Variants in AUTS2 observed in about 807,000 individuals in gnomAD.
AUTS2 encodes activator of transcription and developmental regulator AUTS2.
A neutral mutation model predicts 112.4 loss-of-function variants in AUTS2; 17 were observed. That is an observed-to-expected ratio of 0.15 (90% CI 0.10 to 0.23). AUTS2 has a LOEUF of 0.23. Among genes scored for constraint, AUTS2 ranks in the 10% least tolerant of loss-of-function variants. The pLI, the probability that AUTS2 is intolerant of heterozygous loss-of-function variation, is 1.00. For synonymous variants in AUTS2, 751 were observed against 702.7 expected, an observed-to-expected ratio of 1.07 and a Z score of -1.09; for missense variants, 1,510 against 1,701.6, an observed-to-expected ratio of 0.89 and a Z score of 1.98.
At chr7:69,974,467 A>T (rs1487584123) in intron 2 of AUTS2, among the ~76,000 whole-genome samples, 1 of 151,912 alleles carries the variant, frequency 6.6e-6, no homozygotes, top group East Asian at 1.9e-4. Context: ...CAAGCTAGAA[A>T]ACCAGGAAAG....
At chr7:70,689,559 G>A (rs1157947622) in intron 5 of AUTS2, among the ~76,000 whole-genome samples, 15 of 151,992 alleles carry the variant, frequency 9.9e-5, no homozygotes, top group Non-Finnish European at 7.4e-5. Context: ...GGCAGATCAC[G>A]AGGTCAGGAG....
At chr7:69,866,900 G>A (rs1027864539) in intron 1 of AUTS2, among the ~76,000 whole-genome samples, 6 of 152,198 alleles carry the variant, frequency 3.9e-5, no homozygotes, top group Non-Finnish European at 7.3e-5. Flanking sequence ...TGGGTTAGCC[G>A]GCTGGGGTTC....
At chr7:70,466,785 A>G (rs1019711081) in intron 5 of AUTS2, among the ~76,000 whole-genome samples, 6 of 152,192 alleles carry the variant, frequency 3.9e-5, no homozygotes, top group East Asian at 1.9e-4. Flanking sequence ...GAAAAGATCA[A>G]TTGGGAGTCA....
At chr7:69,878,574 G>T (rs1383581866) in intron 1 of AUTS2, among the ~76,000 whole-genome samples, 1 of 152,172 alleles carries the variant, frequency 6.6e-6, no homozygotes, top group Non-Finnish European at 1.5e-5. Flanking sequence ...AAAACGGATG[G>T]TTCTTGAGGC....
chr7:70,639,483 G>A (rs1805695214), intron 5 of AUTS2, among the ~76,000 whole-genome samples: 1 of 151,486 alleles, frequency 6.6e-6, no homozygotes, highest in African/African-American at 2.4e-5. Context: ...CAGGTGTGTG[G>A]TGCGTGCCTG....
rs566804653 is a variant in AUTS2 at position 70,552,354 on chromosome 7, C to T, written c.690+116573C>T. Among the ~76,000 whole-genome samples the T allele has an allele frequency of 2.0e-5, 3 of 152,254 alleles. No individual in the cohort carries two copies. In the South Asian group the frequency reaches 6.2e-4, roughly 32 times the overall value. On this transcript the variant is annotated intron_variant, in intron 5 of 18. Transcript: ENST00000342771. The stretch of plus-strand genomic sequence containing the variant: ...GTTTTCTACAATAAAATGCAAAATA[C>T]TTCTTCCTGTTAGCGGATTATACCA...
At chr7:70,552,093 T>C (rs931264719) in intron 5 of AUTS2, among the ~76,000 whole-genome samples, 2 of 152,082 alleles carry the variant, frequency 1.3e-5, no homozygotes, top group African/African-American at 4.8e-5. Flanking sequence ...AGTATGTGTA[T>C]CTTTGTGTGT....
chr7:70,086,941 T>G (rs1803638010), intron 2 of AUTS2, among the ~76,000 whole-genome samples: 1 of 151,904 alleles, frequency 6.6e-6, no homozygotes, highest in South Asian at 2.1e-4. Flanking sequence ...TTTTTTTTTT[T>G]TAATCTGGAT....
chr7:70,150,127 A>C (rs1463937639), intron 4 of AUTS2, among the ~76,000 whole-genome samples: 1 of 152,138 alleles, frequency 6.6e-6, no homozygotes, highest in Non-Finnish European at 1.5e-5. Flanking sequence ...TTTCCGAGGT[A>C]ATGTATGCAA....
chr7:69,627,936 C>T (rs1794036150), intron 1 of AUTS2, among the ~76,000 whole-genome samples: 1 of 152,060 alleles, frequency 6.6e-6, no homozygotes, highest in Non-Finnish European at 1.5e-5. Flanking sequence ...GTGGTTATGT[C>T]ATTTTTGTGG....
chr7:70,172,176 A>G (rs1298801212), intron 4 of AUTS2, among the ~76,000 whole-genome samples: 1 of 152,104 alleles, frequency 6.6e-6, no homozygotes, highest in Non-Finnish European at 1.5e-5. Context: ...ATGGCCATGG[A>G]GTGGTGGATC....
chr7:70,317,054 C>T (rs1585010816), intron 4 of AUTS2: 1 of 152,170 alleles, frequency 6.6e-6, no homozygotes, highest in Admixed American at 6.5e-5. Flanking sequence ...CAGGTAACAC[C>T]ACTGGGGAAC....
intron 6 of AUTS2, among the ~76,000 whole-genome samples, chr7:70,730,289 C>G (rs974883060): frequency 1.3e-5 from 2 of 152,012 alleles, no homozygotes; most frequent in African/African-American, 2.4e-5. Context: ...GAAATTCACT[C>G]TTTTAAGGGG....
chr7:70,032,243 T>G (rs189674780), intron 2 of AUTS2, among the ~76,000 whole-genome samples: 400 of 152,256 alleles, frequency 2.6e-3, no homozygotes, highest in Non-Finnish European at 4.5e-3. Context: ...GCATATAAAA[T>G]TCTAACTCCG....
intron 4 of AUTS2, among the ~76,000 whole-genome samples, chr7:70,269,372 A>G (rs569760128): frequency 2.6e-5 from 4 of 151,560 alleles, no homozygotes; most frequent in South Asian, 2.1e-4. Flanking sequence ...AACAATTCCT[A>G]TTACCTTTTC....
intron 2 of AUTS2, among the ~76,000 whole-genome samples, chr7:70,098,937 G>A (rs1804343359): frequency 6.6e-6 from 1 of 152,020 alleles, no homozygotes; most frequent in Admixed American, 6.6e-5. Flanking sequence ...CCCAACCTCA[G>A]GTGATCCGCC....
chr7:70,767,755 G>A (rs115324465), intron 9 of AUTS2, among the ~76,000 whole-genome samples: 104 of 152,258 alleles, frequency 6.8e-4, no homozygotes, highest in African/African-American at 2.2e-3. Context: ...GGTTTGGTTC[G>A]TGCCAATCTG....
intron 1 of AUTS2, among the ~76,000 whole-genome samples, chr7:69,802,210 T>G (rs914968018): frequency 1.3e-5 from 2 of 152,166 alleles, no homozygotes; most frequent in Non-Finnish European, 2.9e-5. Flanking sequence ...GGGGAGAGCG[T>G]ATGTTTCTTC....
At chr7:70,141,949 C>T (rs1184770811) in intron 4 of AUTS2, among the ~76,000 whole-genome samples, 1 of 152,198 alleles carries the variant, frequency 6.6e-6, no homozygotes, top group East Asian at 1.9e-4. Flanking sequence ...TGTTTAACTT[C>T]AGCTTCCTCA....
Sources: gnomAD v4.1 joint callset for allele counts (sites outside exome capture counted in the v4.1 genomes callset) on GRCh38, gnomAD v4.1.1 for gene constraint, MANE v1.5 for transcripts, NCBI Gene and HGNC (gene_info 2026-07-23, HGNC 2026-07-21) for gene names.